The following CADM2 variants were observed in gnomAD, a reference collection of about 807,000 sequenced individuals.
CADM2 encodes cell adhesion molecule 2.
CADM2 carries 12 observed loss-of-function variants against 49.8 expected under a neutral mutation model. The ratio of observed to expected loss-of-function variants is 0.24; its 90% CI spans 0.15 to 0.39. CADM2 has a LOEUF of 0.39. Ranked by LOEUF, CADM2 falls within the 10% of genes least tolerant of loss-of-function variation. CADM2 has a pLI of 1.00. For missense variants in CADM2, 378 were observed against 492.3 expected (o/e 0.77, Z 2.20); for synonymous variants, 214 against 175.4 (o/e 1.22, Z -1.74).
chr3:85,390,195 A>G lies in CADM2; in HGVS notation c.62-336327A>G, dbSNP rs906625848. Among the ~76,000 whole-genome samples, 4 of 152,088 alleles carry G rather than the reference A, an allele frequency of 2.6e-5. No homozygotes were observed. In the South Asian group the frequency reaches 6.2e-4, roughly 24 times the overall value. On this transcript the variant is annotated intron_variant, in intron 1 of 9. Coordinates refer to ENST00000383699, the MANE Select transcript of CADM2 (RefSeq NM_001167675.2). ...CTAGATTCTGAGGATTTAAAAAAAT[A>G]AGTTAAAACATAGTTCTTTGTTTTT...
At chr3:85,958,897 G>A (rs554096440) in intron 7 of CADM2, among the ~76,000 whole-genome samples, 1 of 151,896 alleles carries the variant, frequency 6.6e-6, no homozygotes, top group Admixed American at 6.6e-5. Flanking sequence ...GGAGCCTGTT[G>A]CAGGGTTGGG....
intron 1 of CADM2, among the ~76,000 whole-genome samples, chr3:85,314,275 A>AT (rs1559774598): frequency 6.6e-6 from 1 of 152,098 alleles, no homozygotes; most frequent in Non-Finnish European, 1.5e-5. Context: ...TTATATATGT[A>AT]TTTTTATTAA....
chr3:85,493,191 C>T (rs377488392), intron 1 of CADM2, among the ~76,000 whole-genome samples: 39 of 151,904 alleles, frequency 2.6e-4, no homozygotes, highest in African/African-American at 8.7e-4. Context: ...CAGAATAAAG[C>T]AGCTTAGATT....
chr3:85,544,503 G>C (rs1410547836), intron 1 of CADM2, among the ~76,000 whole-genome samples: 1 of 152,116 alleles, frequency 6.6e-6, no homozygotes, highest in Non-Finnish European at 1.5e-5. Context: ...CGTGAACCCG[G>C]GAGGCGGAGC....
chr3:85,033,342 G>A (rs1353811812), intron 1 of CADM2, among the ~76,000 whole-genome samples: 1 of 152,118 alleles, frequency 6.6e-6, no homozygotes, highest in African/African-American at 2.4e-5. Context: ...TTTTTAGGTA[G>A]CTTCTTTGTG....
chr3:85,581,082 A>T (rs188578663), intron 1 of CADM2, among the ~76,000 whole-genome samples: 196 of 152,198 alleles, frequency 1.3e-3, no homozygotes, highest in African/African-American at 4.3e-3. Context: ...GTTCCCATAG[A>T]TTATTTTTAA....
intron 1 of CADM2, among the ~76,000 whole-genome samples, chr3:85,478,163 G>A (rs2107621389): frequency 6.6e-6 from 1 of 151,834 alleles, no homozygotes; most frequent in African/African-American, 2.4e-5. Flanking sequence ...CCTTTGATAA[G>A]GCTTTCCCAC....
chr3:86,037,014 A>G (rs528709379), intron 8 of CADM2, among the ~76,000 whole-genome samples: 8 of 152,134 alleles, frequency 5.3e-5, no homozygotes, highest in Middle Eastern at 6.8e-3. Context: ...AATGCTGTTA[A>G]CTTGTCTCTT....
intron 1 of CADM2, among the ~76,000 whole-genome samples, chr3:85,270,984 C>T (rs1459735565): frequency 1.3e-5 from 2 of 151,242 alleles, no homozygotes; most frequent in Non-Finnish European, 3.0e-5. Flanking sequence ...TTGTGTTTTT[C>T]AATTTTCCAT....
chr3:85,012,149 G>A (rs1318487198), intron 1 of CADM2, among the ~76,000 whole-genome samples: 6 of 148,486 alleles, frequency 4.0e-5, no homozygotes, highest in Non-Finnish European at 7.4e-5. Context: ...GGGTAGTTTT[G>A]ATGAAAAAAA....
chr3:85,258,973 A>G (rs2107883815), intron 1 of CADM2, among the ~76,000 whole-genome samples: 1 of 152,270 alleles, frequency 6.6e-6, no homozygotes, highest in Non-Finnish European at 1.5e-5. Flanking sequence ...GATAGAGTGA[A>G]GATGTTGAAT....
At position 85,000,160 on chromosome 3, in the gene CADM2, G is replaced by T. The variant is rs568405340; in HGVS notation, c.61+40492G>T. On this transcript the variant is annotated intron_variant, in intron 1 of 9. Transcript: ENST00000383699. ...TCTCTCTCTCTCTCCCTGCCCCAGG[G>T]TATAGTGTAGTGGTACAATCATAGC... Among the ~76,000 whole-genome samples the T allele has an allele frequency of 3.6e-5, 5 of 139,436 alleles. No homozygotes were observed. The South Asian group carries it at 6.8e-4, about 19-fold the overall frequency. The allele number at this position is 139,436 out of a possible 152,430, so 91.5% of individuals were successfully genotyped here. A position where few individuals can be genotyped will look rare whatever the true frequency, so the allele number is the denominator to read the frequency against.
intron 1 of CADM2, among the ~76,000 whole-genome samples, chr3:85,477,247 C>CAT (rs2039013949): frequency 6.8e-6 from 1 of 148,080 alleles, no homozygotes; most frequent in Non-Finnish European, 1.5e-5. Context: ...CCCTTAAACA[C>CAT]ACACACACAC....
chr3:85,881,519 A>G (rs1712771889), intron 3 of CADM2, among the ~76,000 whole-genome samples: 1 of 152,144 alleles, frequency 6.6e-6, no homozygotes, highest in South Asian at 2.1e-4. Context: ...TTATTCTAAG[A>G]AGCAGTTGCC....
chr3:85,349,870 A>T (rs1401416925), intron 1 of CADM2, among the ~76,000 whole-genome samples: 2 of 152,194 alleles, frequency 1.3e-5, no homozygotes, highest in Non-Finnish European at 2.9e-5. Flanking sequence ...TGGGTTAAAG[A>T]CCATGCCACA....
intron 3 of CADM2, among the ~76,000 whole-genome samples, chr3:85,838,850 G>A (rs1377011396): frequency 1.3e-5 from 2 of 151,756 alleles, no homozygotes; most frequent in Non-Finnish European, 2.9e-5. Flanking sequence ...TGATTCAAAG[G>A]TTAATAAAGG....
At chr3:84,997,045 T>C (rs182626116) in intron 1 of CADM2, among the ~76,000 whole-genome samples, 3 of 152,256 alleles carry the variant, frequency 2.0e-5, no homozygotes, top group African/African-American at 7.2e-5. Context: ...ATGATTTGTA[T>C]GGGAACCATG....
At chr3:85,177,212 A>G (rs1402477528) in intron 1 of CADM2, among the ~76,000 whole-genome samples, 2 of 152,114 alleles carry the variant, frequency 1.3e-5, no homozygotes, top group African/African-American at 2.4e-5. Context: ...CTTCTCTAAA[A>G]CTACCTGGGG....
chr3:85,073,957 A>C (rs2107480649), intron 1 of CADM2, among the ~76,000 whole-genome samples: 1 of 152,254 alleles, frequency 6.6e-6, no homozygotes, highest in Non-Finnish European at 1.5e-5. Context: ...GTGTATCCAT[A>C]TTATTATTAT....
Sources: allele counts gnomAD v4.1 joint callset (sites outside exome capture counted in the v4.1 genomes callset), GRCh38; gene constraint gnomAD v4.1.1; transcripts MANE v1.5; gene names NCBI Gene and HGNC (gene_info 2026-07-23, HGNC 2026-07-21).